EYS: variants seen among roughly 807,000 people sequenced by gnomAD.
EYS encodes the protein protein eyes shut homolog.
EYS carries 250 observed loss-of-function variants against 282.1 expected under a neutral mutation model. The observed-to-expected ratio is 0.89, with a 90% CI of 0.80 to 0.98. The LOEUF is 0.98. Ranked by LOEUF, EYS falls within the 50% of genes least tolerant of loss-of-function variation. EYS has a pLI of 0.00. For synonymous variants in EYS, 1,355 were observed against 1,282.9 expected, an observed-to-expected ratio of 1.06 and a Z score of -1.20; for missense variants, 4,016 against 3,709.0, an observed-to-expected ratio of 1.08 and a Z score of -2.15.
intron 12 of EYS, among the ~76,000 whole-genome samples, chr6:65,217,557 G>T (rs1391828052): frequency 6.6e-6 from 1 of 152,006 alleles, no homozygotes; most frequent in African/African-American, 2.4e-5. Flanking sequence ...TGATGAGACG[G>T]GCTGGAGCAA....
intron 2 of EYS, among the ~76,000 whole-genome samples, chr6:65,587,437 A>T (rs1247599253): frequency 1.3e-5 from 2 of 152,044 alleles, no homozygotes; most frequent in Non-Finnish European, 2.9e-5. Context: ...GAAAGTTCTC[A>T]TGAGATCTGA....
intron 14 of EYS, among the ~76,000 whole-genome samples, chr6:64,993,470 C>T (rs146573008): frequency 2.1e-3 from 315 of 150,040 alleles, no homozygotes; most frequent in African/African-American, 6.8e-3. Context: ...AGCAAACTAC[C>T]GCAAGGACAA....
chr6:64,023,933 C>T (rs980695744), intron 33 of EYS, among the ~76,000 whole-genome samples: 19 of 152,226 alleles, frequency 1.2e-4, no homozygotes, highest in Non-Finnish European at 2.6e-4. Flanking sequence ...CCAGCAGCTG[C>T]TGTGCTCAAT....
At chr6:65,159,665 C>T (rs12205074) in intron 12 of EYS, among the ~76,000 whole-genome samples, 6,353 of 150,866 alleles carry the variant, frequency 0.042, 194 homozygotes, top group Middle Eastern at 0.065. Context: ...ATTCTGACCT[C>T]TCTCAGCACT....
chr6:64,256,669 C>A (rs1767411516), intron 30 of EYS, among the ~76,000 whole-genome samples: 1 of 151,974 alleles, frequency 6.6e-6, no homozygotes. Context: ...CTGTATGATG[C>A]CTATCTACAG....
At chr6:63,751,032 T>C (rs1287466074) in intron 41 of EYS, among the ~76,000 whole-genome samples, 3 of 152,212 alleles carry the variant, frequency 2.0e-5, no homozygotes, top group Non-Finnish European at 2.9e-5. Context: ...TTTCAGCACA[T>C]CTATTTAATC....
chr6:64,805,144 G>A (rs971603829), intron 22 of EYS, among the ~76,000 whole-genome samples: 2 of 152,002 alleles, frequency 1.3e-5, no homozygotes, highest in Non-Finnish European at 2.9e-5. Context: ...TAAGTATTAT[G>A]TGTAAATCAG....
intron 1 of EYS, among the ~76,000 whole-genome samples, chr6:65,703,851 A>G (rs1051922269): frequency 5.9e-5 from 9 of 152,140 alleles, no homozygotes; most frequent in Non-Finnish European, 1.0e-4. Flanking sequence ...AATTAACTGT[A>G]AATTCATTAT....
chr6:63,838,501 C>T (rs1016412421), intron 36 of EYS, among the ~76,000 whole-genome samples: 1 of 152,072 alleles, frequency 6.6e-6, no homozygotes, highest in Non-Finnish European at 1.5e-5. Context: ...AGTTGTGATC[C>T]ACTATTATTA....
chr6:65,217,155 TAAC>T (rs2150256221), intron 12 of EYS, among the ~76,000 whole-genome samples: 1 of 152,214 alleles, frequency 6.6e-6, no homozygotes, highest in African/African-American at 2.4e-5. Flanking sequence ...TGGTTATTTT[TAAC>T]AATATGTTGT....
At chr6:64,605,277 C>T (rs1368489267) in intron 24 of EYS, among the ~76,000 whole-genome samples, 4 of 151,802 alleles carry the variant, frequency 2.6e-5, no homozygotes, top group South Asian at 2.1e-4. Flanking sequence ...TTCTTATACA[C>T]TAACTACATT....
intron 36 of EYS, among the ~76,000 whole-genome samples, chr6:63,824,961 G>C (rs1771419630): frequency 6.6e-6 from 1 of 152,222 alleles, no homozygotes; most frequent in Admixed American, 6.5e-5. Context: ...AGCAGGGGAA[G>C]AACTAAAGCC....
chr6:64,053,622 ATAAT>A (rs1423855652), intron 33 of EYS, among the ~76,000 whole-genome samples: 2 of 152,178 alleles, frequency 1.3e-5, no homozygotes, highest in African/African-American at 4.8e-5. Flanking sequence ...ATTAGAAATA[ATAAT>A]TAAATACAGG....
intron 2 of EYS, among the ~76,000 whole-genome samples, chr6:65,632,525 T>C (rs1013442281): frequency 3.9e-5 from 6 of 152,214 alleles, no homozygotes; most frequent in African/African-American, 1.4e-4. Context: ...CGGGTGAGCA[T>C]GTTATTATTC....
chr6:64,572,976 A>G (rs1374997541), intron 26 of EYS, among the ~76,000 whole-genome samples: 1 of 152,216 alleles, frequency 6.6e-6, no homozygotes, highest in African/African-American at 2.4e-5. Context: ...GACAATCCTA[A>G]GAAAAATGAA....
At chr6:64,402,658 C>A (rs1477678280) in intron 28 of EYS, among the ~76,000 whole-genome samples, 3 of 152,192 alleles carry the variant, frequency 2.0e-5, no homozygotes, top group African/African-American at 7.2e-5. Context: ...GATTTCCTAA[C>A]ATTGACAGGC....
chr6:64,052,962 C>G (rs1251797301), intron 33 of EYS, among the ~76,000 whole-genome samples: 1 of 152,000 alleles, frequency 6.6e-6, no homozygotes, highest in African/African-American at 2.4e-5. Flanking sequence ...TTCACAGCAG[C>G]GTGAGAACAG....
intron 5 of EYS, among the ~76,000 whole-genome samples, chr6:65,412,407 C>G (rs1767057082): frequency 6.6e-6 from 1 of 152,120 alleles, no homozygotes; most frequent in Non-Finnish European, 1.5e-5. Context: ...AAGAAACTGT[C>G]AAATTGTTTT....
At chr6:64,353,534 A>G (rs779160960) in intron 29 of EYS, among the ~76,000 whole-genome samples, 4 of 151,524 alleles carry the variant, frequency 2.6e-5, no homozygotes, top group Admixed American at 6.6e-5. Flanking sequence ...AAAGCAAACA[A>G]ATTTTTCCCT....
Sources: gnomAD v4.1 joint callset for allele counts (sites outside exome capture counted in the v4.1 genomes callset) on GRCh38, gnomAD v4.1.1 for gene constraint, MANE v1.5 for transcripts, NCBI Gene and HGNC (gene_info 2026-07-23, HGNC 2026-07-21) for gene names.